Variants in DRC10 observed in about 807,000 individuals in gnomAD.
The protein encoded by DRC10 is IQ domain-containing protein D.
chr12:113,208,134 C>A, the DRC10 span: 1 of 1,613,984 alleles, frequency 6.2e-7, no homozygotes, highest in African/African-American at 1.3e-5. Flanking sequence ...GGGCCTGATA[C>A]AAAGGGGCCA....
the DRC10 span, among the ~76,000 whole-genome samples, chr12:113,197,350 C>T: frequency 1.3e-5 from 2 of 152,040 alleles, no homozygotes; most frequent in East Asian, 3.9e-4. Flanking sequence ...CAGCTTCTGG[C>T]TCTTTTCTTT....
At chr12:113,202,057 C>A in the DRC10 span, among the ~76,000 whole-genome samples, 1 of 152,252 alleles carries the variant, frequency 6.6e-6, no homozygotes, top group East Asian at 1.9e-4. Flanking sequence ...ATGAGACCAG[C>A]AGGGCCACCT....
the DRC10 span, chr12:113,197,727 C>T: frequency 1.5e-6 from 1 of 688,010 alleles, no homozygotes; most frequent in Non-Finnish European, 2.6e-6. Context: ...GCCTATTGAA[C>T]AAGGAGGTTC....
the DRC10 span, chr12:113,195,623 C>T: frequency 2.5e-5 from 41 of 1,612,414 alleles, no homozygotes; most frequent in Non-Finnish European, 3.1e-5. Flanking sequence ...TGCCCTTCTC[C>T]TTGTCCTTTG....
chr12:113,215,386 A>G, the DRC10 span, among the ~76,000 whole-genome samples: 2 of 152,208 alleles, frequency 1.3e-5, no homozygotes, highest in Non-Finnish European at 2.9e-5. Flanking sequence ...TTTTAGTACT[A>G]CTTCAAAAAT....
chr12:113,205,921 A>G, the DRC10 span, among the ~76,000 whole-genome samples: 19 of 143,516 alleles, frequency 1.3e-4, no homozygotes, highest in African/African-American at 2.3e-4. Context: ...AAAAAAAAAA[A>G]AAAGAAATCA....
At chr12:113,200,979 A>G in the DRC10 span, among the ~76,000 whole-genome samples, 1 of 152,144 alleles carries the variant, frequency 6.6e-6, no homozygotes, top group Non-Finnish European at 1.5e-5. Flanking sequence ...TCTCTTCTAA[A>G]AATACAAAAA....
the DRC10 span, chr12:113,206,244 A>G: frequency 5.9e-5 from 9 of 152,024 alleles, no homozygotes; most frequent in Non-Finnish European, 1.3e-4. Context: ...AAAGAAATCA[A>G]TATACTCTGT....
At chr12:113,209,621 A>G in the DRC10 span, among the ~76,000 whole-genome samples, 6 of 152,208 alleles carry the variant, frequency 3.9e-5, no homozygotes, top group East Asian at 1.2e-3. Flanking sequence ...CCTAGGCTCA[A>G]GCAATCCTCC....
the DRC10 span, chr12:113,200,523 C>A: frequency 2.1e-6 from 2 of 946,032 alleles, no homozygotes; most frequent in Non-Finnish European, 3.2e-6. Flanking sequence ...GGAACAGTCC[C>A]ACCCATCCCC....
the DRC10 span, chr12:113,200,416 C>T: frequency 4.1e-6 from 3 of 723,386 alleles, no homozygotes; most frequent in Non-Finnish European, 7.4e-6. Context: ...GGATTTGGGC[C>T]TTCCCTGCTC....
At chr12:113,214,962 G>T in the DRC10 span, among the ~76,000 whole-genome samples, 1 of 152,148 alleles carries the variant, frequency 6.6e-6, no homozygotes, top group Non-Finnish European at 1.5e-5. Flanking sequence ...AATGCTGGAG[G>T]TATTGACAGT....
At chr12:113,211,459 A>C in the DRC10 span, among the ~76,000 whole-genome samples, 5 of 152,258 alleles carry the variant, frequency 3.3e-5, no homozygotes, top group East Asian at 5.8e-4. Context: ...GTTCCTTGGC[A>C]AGGCAGAATG....
the DRC10 span, chr12:113,200,759 G>A: frequency 1.8e-5 from 27 of 1,535,768 alleles, no homozygotes; most frequent in Non-Finnish European, 2.4e-5. Flanking sequence ...GAGAACTTGA[G>A]CACCTGGTGC....
At chr12:113,219,660 C>T in the DRC10 span, among the ~76,000 whole-genome samples, 1 of 151,772 alleles carries the variant, frequency 6.6e-6, no homozygotes, top group Non-Finnish European at 1.5e-5. Context: ...TCTTTTGAAC[C>T]TCAAAGTTTT....
At chr12:113,196,381 G>A in the DRC10 span, among the ~76,000 whole-genome samples, 4 of 152,142 alleles carry the variant, frequency 2.6e-5, no homozygotes, top group African/African-American at 9.7e-5. Context: ...ACTTTCTCAG[G>A]CCTCAAACGG....
At chr12:113,216,686 C>G in the DRC10 span, among the ~76,000 whole-genome samples, 1 of 152,144 alleles carries the variant, frequency 6.6e-6, no homozygotes, top group South Asian at 2.1e-4. Context: ...TGCTGTGAAT[C>G]TAAAACTGCT....
chr12:113,207,977 C>T, the DRC10 span: 5 of 1,614,222 alleles, frequency 3.1e-6, no homozygotes, highest in South Asian at 5.5e-5. Flanking sequence ...GTCACCAGCT[C>T]CACCTTGTAG....
the DRC10 span, among the ~76,000 whole-genome samples, chr12:113,212,014 A>G: frequency 0.1 from 15,540 of 151,394 alleles, 910 homozygotes; most frequent in East Asian, 0.2. Context: ...ACAGTGAGCC[A>G]TGATCGCACC....
Sources: gnomAD v4.1 joint callset for allele counts (sites outside exome capture counted in the v4.1 genomes callset) on GRCh38, gnomAD v4.1.1 for gene constraint, MANE v1.5 for transcripts, NCBI Gene and HGNC (gene_info 2026-07-23, HGNC 2026-07-21) for gene names.